HPSE2: variants seen among roughly 807,000 people sequenced by gnomAD.
HPSE2 encodes the protein inactive heparanase-2.
In HPSE2, 38 loss-of-function variants were observed where a neutral mutation model predicts 60.5. The observed-to-expected ratio is 0.63, with a 90% CI of 0.48 to 0.82. The LOEUF (loss-of-function observed/expected upper bound fraction) is 0.82. Among genes scored for constraint, HPSE2 ranks in the 40% least tolerant of loss-of-function variants. The pLI is 0.00. For missense variants in HPSE2, 713 were observed against 740.4 expected, an observed-to-expected ratio of 0.96 and a Z score of 0.43; for synonymous variants, 295 against 293.2, an observed-to-expected ratio of 1.01 and a Z score of -0.06.
chr10:98,948,508 T>C (rs964972745), intron 3 of HPSE2, among the ~76,000 whole-genome samples: 5 of 152,180 alleles, frequency 3.3e-5, no homozygotes, highest in African/African-American at 1.2e-4. Flanking sequence ...GTTCTGATTA[T>C]TCAAGACTGC....
At chr10:99,269,662 A>G in the HPSE2 span, among the ~76,000 whole-genome samples, 8 of 152,278 alleles carry the variant, frequency 5.3e-5, no homozygotes, top group East Asian at 1.5e-3. Flanking sequence ...CTACCCAACA[A>G]CTGCAGAATA....
chr10:98,838,660 G>A (rs983676659), intron 3 of HPSE2, among the ~76,000 whole-genome samples: 2 of 151,596 alleles, frequency 1.3e-5, no homozygotes, highest in African/African-American at 4.9e-5. Context: ...CTGAACTCCT[G>A]GCTTCAAGCA....
At chr10:99,173,078 T>C (rs1847379865) in intron 2 of HPSE2, among the ~76,000 whole-genome samples, 1 of 151,596 alleles carries the variant, frequency 6.6e-6, no homozygotes, top group African/African-American at 2.4e-5. Flanking sequence ...AAGCCTGGAG[T>C]ATAGTAGGGT....
intron 4 of HPSE2, among the ~76,000 whole-genome samples, chr10:98,732,859 T>C (rs1949261798): frequency 6.6e-6 from 1 of 152,206 alleles, no homozygotes; most frequent in South Asian, 2.1e-4. Flanking sequence ...TTGCAAATCA[T>C]ATACTTGAAT....
intron 3 of HPSE2, among the ~76,000 whole-genome samples, chr10:98,803,879 G>C (rs1202086597): frequency 6.6e-6 from 1 of 151,896 alleles, no homozygotes; most frequent in Non-Finnish European, 1.5e-5. Flanking sequence ...GTAGCTTGAT[G>C]GGGATGGCAG....
intron 3 of HPSE2, among the ~76,000 whole-genome samples, chr10:98,768,681 A>G (rs1267977812): frequency 6.6e-6 from 1 of 152,196 alleles, no homozygotes; most frequent in Non-Finnish European, 1.5e-5. Flanking sequence ...CACTGGCCCC[A>G]AATTTATTCT....
intron 2 of HPSE2, among the ~76,000 whole-genome samples, chr10:99,223,321 A>G (rs914990955): frequency 2.0e-5 from 3 of 152,178 alleles, no homozygotes; most frequent in African/African-American, 4.8e-5. Context: ...ATTCAATAAC[A>G]TTAAGTATTA....
the HPSE2 span, among the ~76,000 whole-genome samples, chr10:99,242,459 T>C: frequency 6.6e-6 from 1 of 152,304 alleles, no homozygotes; most frequent in African/African-American, 2.4e-5. Flanking sequence ...TGTGATTGAC[T>C]CTAATAAGTT....
chr10:99,138,160 T>C (rs548586855), intron 3 of HPSE2, among the ~76,000 whole-genome samples: 1 of 152,206 alleles, frequency 6.6e-6, no homozygotes, highest in African/African-American at 2.4e-5. Flanking sequence ...TCACTGGTCA[T>C]TGGAGAAATG....
chr10:98,963,413 A>G (rs1169311012), intron 3 of HPSE2, among the ~76,000 whole-genome samples: 1 of 152,156 alleles, frequency 6.6e-6, no homozygotes, highest in Non-Finnish European at 1.5e-5. Flanking sequence ...TCAGTGCCAC[A>G]CTAGTATGTC....
intron 8 of HPSE2, among the ~76,000 whole-genome samples, chr10:98,618,775 C>T (rs927983008): frequency 1.3e-5 from 2 of 152,142 alleles, no homozygotes; most frequent in Non-Finnish European, 2.9e-5. Context: ...TGGGGTTTCA[C>T]CATGTTGGCC....
chr10:98,934,024 G>A lies in HPSE2; in HGVS notation c.611-189968C>T, dbSNP rs1446435753. 3.5e-5 allele frequency among the ~76,000 whole-genome samples: 5 copies of A among 144,012 alleles called. 1 individual carries two copies. Among genetic ancestry groups the A allele is most frequent in the African/African-American group, 1.4e-4 (5 of 35,556 alleles). 94.5% of individuals were successfully genotyped at this position (144,012 alleles called of 152,430 possible). A position where few individuals can be genotyped will look rare whatever the true frequency, so the allele number is the denominator to read the frequency against. On this transcript the variant is annotated intron_variant, in intron 3 of 11. Transcript: ENST00000370552. Reference sequence around the variant, plus strand: ...TGAGATTACAGGCTTGAGCCAGTGAGCCTGGCACCTTCTTCGTCTTTTTTT... The same window carrying A: ...TGAGATTACAGGCTTGAGCCAGTGAACCTGGCACCTTCTTCGTCTTTTTTT...
intron 3 of HPSE2, among the ~76,000 whole-genome samples, chr10:99,133,495 T>C (rs1025016384): frequency 6.6e-6 from 1 of 152,094 alleles, no homozygotes; most frequent in African/African-American, 2.4e-5. Flanking sequence ...AGAGCTCTGG[T>C]TGGCATTTGG....
Position 98,691,913 on chromosome 10 carries a change from A to G in HPSE2, c.1004+1987T>C, listed in dbSNP as rs568999514. Among the ~76,000 whole-genome samples the G allele has an allele frequency of 1.2e-4, 18 of 152,296 alleles. No individual in the cohort carries two copies. In the South Asian group the frequency reaches 3.7e-3, roughly 32 times the overall value. The stretch of plus-strand genomic sequence containing the variant: ...CTGGTACATTGTTATTTTTATTGTC[A>G]TTGTTATTTTTTCCACATAGTAAAT... On this transcript the variant is annotated intron_variant, in intron 6 of 11. Transcript: ENST00000370552.
chr10:99,154,553 G>C (rs1446030850), intron 2 of HPSE2, among the ~76,000 whole-genome samples: 1 of 150,574 alleles, frequency 6.6e-6, no homozygotes, highest in Non-Finnish European at 1.5e-5. Flanking sequence ...AGCAAATGCT[G>C]AGAGATTTTG....
chr10:98,976,643 A>T (rs1395412882), intron 3 of HPSE2, among the ~76,000 whole-genome samples: 9 of 152,096 alleles, frequency 5.9e-5, no homozygotes, highest in Non-Finnish European at 7.4e-5. Context: ...CTCTGCTTAT[A>T]ATTGGCAACA....
intron 3 of HPSE2, among the ~76,000 whole-genome samples, chr10:99,049,278 C>G (rs1957934652): frequency 6.6e-6 from 1 of 151,996 alleles, no homozygotes; most frequent in Non-Finnish European, 1.5e-5. Flanking sequence ...TTCATTTATT[C>G]CAGTGTTTTA....
intron 3 of HPSE2, among the ~76,000 whole-genome samples, chr10:99,044,924 C>T (rs1957821335): frequency 6.6e-6 from 1 of 152,220 alleles, no homozygotes; most frequent in South Asian, 2.1e-4. Context: ...TAGTGGGAGA[C>T]TTCAACACCT....
chr10:99,305,840 G>T, the HPSE2 span, among the ~76,000 whole-genome samples: 1 of 152,026 alleles, frequency 6.6e-6, no homozygotes. Context: ...TGGACATTCT[G>T]ACTCAAACTA....
Sources: allele counts gnomAD v4.1 joint callset (sites outside exome capture counted in the v4.1 genomes callset), GRCh38; gene constraint gnomAD v4.1.1; transcripts MANE v1.5; gene names NCBI Gene and HGNC (gene_info 2026-07-23, HGNC 2026-07-21).